The following CD96 variants were observed in gnomAD, a reference collection of about 807,000 sequenced individuals.
The protein encoded by CD96 is T-cell surface protein tactile.
In CD96, 70 loss-of-function variants were observed where a neutral mutation model predicts 71.3. The ratio of observed to expected loss-of-function variants is 0.98; its 90% confidence interval spans 0.81 to 1.20. The LOEUF is 1.20. CD96 is among the 50% of genes most tolerant of loss of function. The pLI, the probability that CD96 is intolerant of heterozygous loss-of-function variation, is 0.00. For missense variants in CD96, 742 were observed against 677.5 expected, an observed-to-expected ratio of 1.10 and a Z score of -1.06; for synonymous variants, 248 against 233.0, an observed-to-expected ratio of 1.06 and a Z score of -0.59.
At chr3:111,582,399 A>T (rs146717909) in intron 4 of CD96, among the ~76,000 whole-genome samples, 44 of 152,318 alleles carry the variant, frequency 2.9e-4, no homozygotes, top group African/African-American at 9.6e-4. Flanking sequence ...AGTGCTAGAG[A>T]TGAAGAAATT....
chr3:111,618,097 G>C (rs1177464624), intron 8 of CD96, among the ~76,000 whole-genome samples: 1 of 152,220 alleles, frequency 6.6e-6, no homozygotes, highest in Non-Finnish European at 1.5e-5. Flanking sequence ...AGTGTGCCTG[G>C]CTGTGTGCAG....
chr3:111,585,650 T>C (rs72939566), intron 5 of CD96, among the ~76,000 whole-genome samples: 4,833 of 152,292 alleles, frequency 0.032, 253 homozygotes, highest in African/African-American at 0.11. Flanking sequence ...AACTTCTCTT[T>C]TATAAAAATT....
chr3:111,543,885 C>T (rs1296531224), intron 1 of CD96, among the ~76,000 whole-genome samples: 1 of 152,202 alleles, frequency 6.6e-6, no homozygotes, highest in African/African-American at 2.4e-5. Context: ...TGCCTGAAAC[C>T]TGTATCCTGC....
intron 14 of CD96, among the ~76,000 whole-genome samples, chr3:111,665,046 T>C (rs1940448466): frequency 6.6e-6 from 1 of 152,186 alleles, no homozygotes; most frequent in Non-Finnish European, 1.5e-5. Flanking sequence ...TGTATATGCA[T>C]ACACTTATAC....
At chr3:111,614,736 G>A (rs1938144407) in intron 8 of CD96, among the ~76,000 whole-genome samples, 1 of 152,108 alleles carries the variant, frequency 6.6e-6, no homozygotes, top group African/African-American at 2.4e-5. Flanking sequence ...TGCCCATTCA[G>A]AGCCACTAAC....
In CD96 at chr3:111,644,208, A is replaced by G. The variant is rs547926776; in HGVS notation, c.1478-3335A>G. On this transcript the variant is annotated intron_variant, in intron 12 of 13. Transcript: ENST00000352690. ...GATCTTCAACAAAGCAAACAAAAAC[A>G]TAAAGTGGGGAAAGGACACCCTTTT... Among the ~76,000 whole-genome samples the G allele has an allele frequency of 4.6e-5, 7 of 152,338 alleles. No homozygotes were observed. In the South Asian group the frequency reaches 6.2e-4, roughly 14 times the overall value.
At position 111,556,783 on chromosome 3, in the gene CD96, G is replaced by C. The variant is rs375284680; in HGVS notation, c.419-10740G>C. ...TAGATCCCTGAGGAATCACCACACT[G>C]ACTTCCATAATGGTGGAACTAGTTT... On this transcript the variant is annotated intron_variant, in intron 2 of 13. Transcript: ENST00000352690. Among the ~76,000 whole-genome samples the C allele has an allele frequency of 2.2e-3, 335 of 152,046 alleles. 13 individuals carry two copies. In the South Asian group the frequency reaches 0.068, roughly 31 times the overall value.
chr3:111,611,690 C>T (rs947906946), intron 8 of CD96, among the ~76,000 whole-genome samples: 1 of 152,132 alleles, frequency 6.6e-6, no homozygotes, highest in Non-Finnish European at 1.5e-5. Flanking sequence ...AGTCTTCATG[C>T]AGGGTCTGGA....
At chr3:111,566,505 T>C (rs1416592092) in intron 2 of CD96, among the ~76,000 whole-genome samples, 1 of 152,142 alleles carries the variant, frequency 6.6e-6, no homozygotes, top group Non-Finnish European at 1.5e-5. Context: ...TATATAACAT[T>C]CATTGGTAAA....
intron 8 of CD96, among the ~76,000 whole-genome samples, chr3:111,612,407 A>G (rs1937995399): frequency 6.6e-6 from 1 of 152,232 alleles, no homozygotes; most frequent in South Asian, 2.1e-4. Context: ...CCTAGCAATT[A>G]CATAAAAATG....
intron 2 of CD96, among the ~76,000 whole-genome samples, chr3:111,560,357 T>C (rs1356488084): frequency 3.3e-5 from 5 of 151,996 alleles, no homozygotes; most frequent in African/African-American, 4.8e-5. Flanking sequence ...CAGTTGTTCC[T>C]TTCCATGTTT....
intron 5 of CD96, chr3:111,594,803 A>C (rs1399488413): frequency 1.8e-5 from 3 of 167,246 alleles, no homozygotes; most frequent in African/African-American, 7.2e-5. Flanking sequence ...CTTGCTTCCT[A>C]AGAACTGTTG....
At chr3:111,639,897 G>A (rs757148596) in intron 12 of CD96, among the ~76,000 whole-genome samples, 2 of 152,110 alleles carry the variant, frequency 1.3e-5, no homozygotes, top group Non-Finnish European at 2.9e-5. Context: ...ACTGCCGTTC[G>A]GCTCACAGGA....
intron 8 of CD96, among the ~76,000 whole-genome samples, chr3:111,620,756 T>C (rs529781103): frequency 6.6e-6 from 1 of 152,230 alleles, no homozygotes; most frequent in Non-Finnish European, 1.5e-5. Flanking sequence ...GTGAGAAGGG[T>C]AAAGCAACAT....
chr3:111,542,620 A>T (rs1934159847), intron 1 of CD96, among the ~76,000 whole-genome samples: 1 of 152,248 alleles, frequency 6.6e-6, no homozygotes, highest in African/African-American at 2.4e-5. Context: ...TGGAAATGAA[A>T]TGCTCTCCAA....
At chr3:111,544,220 C>T (rs989605079) in intron 1 of CD96, among the ~76,000 whole-genome samples, 1 of 152,126 alleles carries the variant, frequency 6.6e-6, no homozygotes, top group African/African-American at 2.4e-5. Context: ...TTTCGGCTCA[C>T]TGTAATCTCC....
intron 3 of CD96, among the ~76,000 whole-genome samples, chr3:111,572,158 C>T (rs1028311993): frequency 6.6e-6 from 1 of 152,180 alleles, no homozygotes; most frequent in Admixed American, 6.5e-5. Flanking sequence ...ACATGCACAT[C>T]GGGAGGACCA....
chr3:111,565,293 A>G (rs538781113), intron 2 of CD96, among the ~76,000 whole-genome samples: 8 of 152,066 alleles, frequency 5.3e-5, no homozygotes, highest in Non-Finnish European at 1.2e-4. Context: ...GTTGTTATTT[A>G]GTGTTCGTGT....
chr3:111,555,125 A>G (rs1934923055), intron 2 of CD96, among the ~76,000 whole-genome samples: 1 of 151,026 alleles, frequency 6.6e-6, no homozygotes, highest in Admixed American at 6.7e-5. Flanking sequence ...GTGTGGCCCC[A>G]TTCCTTAACA....
Sources: allele counts gnomAD v4.1 joint callset (sites outside exome capture counted in the v4.1 genomes callset), GRCh38; gene constraint gnomAD v4.1.1; transcripts MANE v1.5; gene names NCBI Gene and HGNC (gene_info 2026-07-23, HGNC 2026-07-21).